The following TOGARAM1 variants were observed in gnomAD, a reference collection of about 807,000 sequenced individuals.
TOGARAM1 encodes the protein TOG array regulator of axonemal microtubules protein 1.
In TOGARAM1, 100 loss-of-function variants were observed where a neutral mutation model predicts 166.6. That is an observed-to-expected ratio of 0.60 (90% confidence interval 0.51 to 0.71). The LOEUF (loss-of-function observed/expected upper bound fraction) is 0.71. TOGARAM1 is among the 30% of genes least tolerant of loss of function. The pLI is 0.00. For synonymous variants in TOGARAM1, 758 were observed against 763.8 expected, an observed-to-expected ratio of 0.99 and a Z score of 0.13; for missense variants, 2,029 against 2,102.7, an observed-to-expected ratio of 0.96 and a Z score of 0.69.
intron 10 of TOGARAM1, among the ~76,000 whole-genome samples, chr14:45,031,824 T>C (rs1444050660): frequency 1.3e-5 from 2 of 152,198 alleles, no homozygotes; most frequent in African/African-American, 2.4e-5. Context: ...ATAATAAATA[T>C]TCATCACAAC....
At chr14:44,996,076 G>T in intron 2 of TOGARAM1, 174 bp downstream of exon 2, 1 of 444,188 alleles carries the variant, frequency 2.3e-6, no homozygotes, top group Non-Finnish European at 3.8e-6. Context: ...ATAAAACCCT[G>T]GAGGGTTTCT....
At chr14:44,993,956 A>C (rs2138803321) in intron 1 of TOGARAM1, among the ~76,000 whole-genome samples, 1 of 152,364 alleles carries the variant, frequency 6.6e-6, no homozygotes, top group South Asian at 2.1e-4. Flanking sequence ...AGCTGTATTA[A>C]TACATCATCT....
intron 1 of TOGARAM1, among the ~76,000 whole-genome samples, chr14:44,993,356 C>T (rs1022706845): frequency 6.6e-6 from 1 of 151,862 alleles, no homozygotes; most frequent in Non-Finnish European, 1.5e-5. Flanking sequence ...ATGTAAATTT[C>T]CAACCATTAT....
intron 16 of TOGARAM1, among the ~76,000 whole-genome samples, chr14:45,060,440 C>T (rs1174956211): frequency 6.6e-6 from 1 of 151,792 alleles, no homozygotes; most frequent in African/African-American, 2.4e-5. Context: ...GGTCTTGAAC[C>T]CCTGACCTCA....
At chr14:45,071,209 C>T (rs1883364025) in intron 18 of TOGARAM1, among the ~76,000 whole-genome samples, 1 of 151,982 alleles carries the variant, frequency 6.6e-6, no homozygotes, top group Non-Finnish European at 1.5e-5. Context: ...CATGAGCCAC[C>T]ACACCCGGCT....
At chr14:45,048,314 C>CAAAAAAAA (rs1165258521) in intron 14 of TOGARAM1, among the ~76,000 whole-genome samples, 1 of 43,728 alleles carries the variant, frequency 2.3e-5, no homozygotes, top group African/African-American at 7.3e-5. Context: ...GACTCCATCT[C>CAAAAAAAA]AAAAAAAAAA....
intron 14 of TOGARAM1, among the ~76,000 whole-genome samples, chr14:45,049,646 TATAAC>T (rs535273913): frequency 1.5e-3 from 228 of 152,326 alleles, no homozygotes; most frequent in Non-Finnish European, 1.8e-3. Context: ...TACTATATGA[TATAAC>T]ATAATCTTGG....
chr14:44,962,250 A>C lies in TOGARAM1; in HGVS notation c.-172A>C. 1.4e-6 allele frequency: 1 copy of C among 732,194 alleles called. No homozygotes were observed. 45.4% of individuals were successfully genotyped at this position (732,194 alleles called of 1,614,324 possible). A position where few individuals can be genotyped will look rare whatever the true frequency, so the allele number is the denominator to read the frequency against. ...GGGGTCTAGGGCTCAGACGGGGGCCATTTTGCCAGAGGCTGCCTCCCGGAG... is the reference window on the plus strand; with the variant it reads ...GGGGTCTAGGGCTCAGACGGGGGCCCTTTTGCCAGAGGCTGCCTCCCGGAG... On this transcript the variant is annotated 5_prime_UTR_variant, in exon 1 of 20. Transcript: ENST00000361462.
At chr14:44,969,821 G>A (rs1221463901) in intron 1 of TOGARAM1, among the ~76,000 whole-genome samples, 3 of 152,104 alleles carry the variant, frequency 2.0e-5, no homozygotes, top group African/African-American at 7.2e-5. Context: ...TTACTCCATT[G>A]CCTTTACTTC....
chr14:44,964,341 C>G lies in TOGARAM1; in HGVS notation c.1920C>G (p.Tyr640Ter). ...VRDSMHIYGS[Y>*]SPTICTRRVL... Reference sequence around the variant, plus strand: ...ATAGCATGCACATTTATGGATCTTACAGCCCAACTATCTGTACCCGAAGGG... The same window carrying G: ...ATAGCATGCACATTTATGGATCTTAGAGCCCAACTATCTGTACCCGAAGGG... The change falls in exon 1 of 20, where the codon TAC (tyrosine) becomes TAG (stop). Residue 640 changes from tyrosine (Y) to a stop codon, truncating the protein, a stop_gained. Transcript: ENST00000361462. LOFTEE classifies it high-confidence loss of function. 6.2e-7 allele frequency: 1 copy of G among 1,614,144 alleles called. No homozygotes were observed. Among genetic ancestry groups the G allele is most frequent in the Non-Finnish European group, 8.5e-7 (1 of 1,180,034 alleles).
intron 1 of TOGARAM1, among the ~76,000 whole-genome samples, chr14:44,964,951 TAAAAAAAAAAAAA>T (rs35780816): frequency 2.3e-5 from 2 of 85,906 alleles, no homozygotes; most frequent in Admixed American, 1.3e-4. Flanking sequence ...ACTAGAAAAG[TAAAAAAAAAAAAA>T]AAAAAAAAAG....
chr14:45,040,878 A>C (rs2138942176), intron 11 of TOGARAM1, among the ~76,000 whole-genome samples: 1 of 151,944 alleles, frequency 6.6e-6, no homozygotes, highest in African/African-American at 2.4e-5. Flanking sequence ...ATCTCTACTA[A>C]AAATACAAAA....
In TOGARAM1 at chr14:45,068,138, G is replaced by T. The variant is rs556985024; in HGVS notation, c.4750-286G>T. ...AAGATGTTTATCATATTTACAGTCAGTCAGTCAGTCATCTGCCTACTGAGC... is the reference window on the plus strand; with the variant it reads ...AAGATGTTTATCATATTTACAGTCATTCAGTCAGTCATCTGCCTACTGAGC... On this transcript the variant is annotated intron_variant, in intron 17 of 19. Transcript: ENST00000361462. Among the ~76,000 whole-genome samples the T allele has an allele frequency of 2.6e-5, 4 of 152,232 alleles. No homozygotes were observed. In the East Asian group the frequency reaches 7.7e-4, roughly 29 times the overall value.
In TOGARAM1 at chr14:45,038,691, C is replaced by T. The variant is rs144185212; in HGVS notation, c.3813-4995C>T. Among the ~76,000 whole-genome samples, 562 of 152,344 alleles carry T rather than the reference C, an allele frequency of 3.7e-3. 2 individuals are homozygous for T. Among genetic ancestry groups the T allele is most frequent in the Non-Finnish European group, 6.6e-3 (447 of 68,044 alleles). On this transcript the variant is annotated intron_variant, in intron 11 of 19. Coordinates refer to ENST00000361462, the MANE Select transcript of TOGARAM1 (RefSeq NM_001308120.2). ...CCCCATAGGGCCACAGCTCTTTTCT[C>T]CTTCTTTCTTCTCACCTTCTCGTTG...
chr14:44,996,016 G>T, intron 2 of TOGARAM1, 114 bp downstream of exon 2: 1 of 715,350 alleles, frequency 1.4e-6, no homozygotes, highest in Non-Finnish European at 2.1e-6. Context: ...GATTCAATAA[G>T]TTATTTATTG....
At chr14:45,029,632 A>G (rs1368299262) in intron 10 of TOGARAM1, among the ~76,000 whole-genome samples, 1 of 152,226 alleles carries the variant, frequency 6.6e-6, no homozygotes, top group Admixed American at 6.5e-5. Context: ...GAAACTTTCT[A>G]TCAGTTAGAT....
chr14:45,000,818 C>T (rs903656349), intron 3 of TOGARAM1, among the ~76,000 whole-genome samples: 3 of 152,120 alleles, frequency 2.0e-5, no homozygotes, highest in Admixed American at 1.3e-4. Context: ...ACTGCAGCCT[C>T]GACCTCCCGG....
chr14:45,039,296 G>T (rs1391812265), intron 11 of TOGARAM1, among the ~76,000 whole-genome samples: 1 of 152,116 alleles, frequency 6.6e-6, no homozygotes, highest in Non-Finnish European at 1.5e-5. Flanking sequence ...CGTGCATATT[G>T]ATTGGTCCGT....
chr14:44,985,681 C>T (rs1886756671), intron 1 of TOGARAM1, among the ~76,000 whole-genome samples: 1 of 152,192 alleles, frequency 6.6e-6, no homozygotes, highest in African/African-American at 2.4e-5. Context: ...CTCCCTTGCC[C>T]GCCGCTCACC....
Sources: gnomAD v4.1 joint callset for allele counts (sites outside exome capture counted in the v4.1 genomes callset) on GRCh38, gnomAD v4.1.1 for gene constraint, MANE v1.5 for transcripts, NCBI Gene and HGNC (gene_info 2026-07-23, HGNC 2026-07-21) for gene names.